ITGB5: variants seen among roughly 807,000 people sequenced by gnomAD.
ITGB5 encodes the protein integrin subunit beta 5, also known as integrin beta-5.
ITGB5 carries 38 observed loss-of-function variants against 84.8 expected under a neutral mutation model. The observed-to-expected ratio is 0.45, with a 90% CI of 0.35 to 0.59. The LOEUF is 0.59. ITGB5 is among the 20% of genes least tolerant of loss of function. The pLI is 0.01. For synonymous variants in ITGB5, 393 were observed against 414.4 expected, an observed-to-expected ratio of 0.95 and a Z score of 0.63; for missense variants, 905 against 1,034.5, an observed-to-expected ratio of 0.87 and a Z score of 1.72.
intron 8 of ITGB5, among the ~76,000 whole-genome samples, chr3:124,815,884 C>T (rs1036269167): frequency 4.6e-5 from 7 of 152,132 alleles, no homozygotes; most frequent in African/African-American, 9.7e-5. Context: ...AAAGGCACTA[C>T]GGTGTAAAGT....
intron 1 of ITGB5, among the ~76,000 whole-genome samples, chr3:124,879,781 A>T (rs1934486309): frequency 6.6e-6 from 1 of 152,260 alleles, no homozygotes; most frequent in African/African-American, 2.4e-5. Flanking sequence ...CCTCTGAATA[A>T]AAATGAAAGA....
chr3:124,802,313 TCA>T (rs2064328265), intron 9 of ITGB5, among the ~76,000 whole-genome samples: 1 of 152,226 alleles, frequency 6.6e-6, no homozygotes, highest in South Asian at 2.1e-4. Flanking sequence ...AGGGAAATAC[TCA>T]CACACTCAGT....
intron 1 of ITGB5, among the ~76,000 whole-genome samples, chr3:124,884,198 A>C (rs1177563567): frequency 2.0e-5 from 3 of 147,452 alleles, no homozygotes; most frequent in Non-Finnish European, 4.5e-5. Flanking sequence ...GAAAACAAAG[A>C]AGGGAAGGGA....
At chr3:124,822,914 T>C (rs568046270) in intron 5 of ITGB5, among the ~76,000 whole-genome samples, 128 of 151,910 alleles carry the variant, frequency 8.4e-4, no homozygotes, top group African/African-American at 2.9e-3. Flanking sequence ...AGGGAGAGGC[T>C]TCCCAGCGCA....
chr3:124,783,817 G>T (rs1183241565), intron 10 of ITGB5, among the ~76,000 whole-genome samples: 1 of 152,132 alleles, frequency 6.6e-6, no homozygotes, highest in African/African-American at 2.4e-5. Flanking sequence ...CACTTTTCTT[G>T]CACATTGTTT....
chr3:124,808,966 C>A, intron 9 of ITGB5, 56 bp downstream of exon 9: 1 of 1,576,372 alleles, frequency 6.3e-7, no homozygotes, highest in South Asian at 1.2e-5. Context: ...TATTAGAACC[C>A]AAAGACTGAT....
At chr3:124,875,540 G>A (rs1236782288) in intron 1 of ITGB5, among the ~76,000 whole-genome samples, 2 of 151,942 alleles carry the variant, frequency 1.3e-5, no homozygotes, top group Admixed American at 6.6e-5. Flanking sequence ...AGGGAACCAG[G>A]GAAACTCTGT....
chr3:124,870,959 T>G (rs1933994401), intron 2 of ITGB5, among the ~76,000 whole-genome samples: 1 of 150,826 alleles, frequency 6.6e-6, no homozygotes. Context: ...GGCACAATCT[T>G]GGCTCACTAC....
chr3:124,864,457 T>C (rs929062739), intron 2 of ITGB5, among the ~76,000 whole-genome samples: 1 of 152,162 alleles, frequency 6.6e-6, no homozygotes, highest in Admixed American at 6.5e-5. Flanking sequence ...GGATGCCTCA[T>C]ATCATAAAGC....
chr3:124,892,841 G>C (rs1935031238), intron 1 of ITGB5, among the ~76,000 whole-genome samples: 1 of 152,066 alleles, frequency 6.6e-6, no homozygotes, highest in African/African-American at 2.4e-5. Flanking sequence ...AAAGTGACTT[G>C]TTATGTTGGG....
intron 11 of ITGB5, chr3:124,769,371 C>G: frequency 4.7e-6 from 2 of 423,246 alleles, no homozygotes; most frequent in Non-Finnish European, 8.5e-6. Flanking sequence ...ATTCTGACAC[C>G]AGGAGACAAA....
chr3:124,838,143 G>A (rs2064962031), intron 5 of ITGB5, among the ~76,000 whole-genome samples: 1 of 150,906 alleles, frequency 6.6e-6, no homozygotes, highest in South Asian at 2.1e-4. Context: ...AATCATTAAA[G>A]ACGAACAATG....
intron 5 of ITGB5, among the ~76,000 whole-genome samples, chr3:124,837,371 G>A (rs75471351): frequency 0.057 from 8,605 of 152,234 alleles, 332 homozygotes; most frequent in African/African-American, 0.099. Flanking sequence ...GTATAAACAG[G>A]TTCAATCATA....
chr3:124,775,827 G>A (rs1180175840), intron 10 of ITGB5, among the ~76,000 whole-genome samples: 3 of 152,178 alleles, frequency 2.0e-5, no homozygotes, highest in Admixed American at 6.5e-5. Context: ...CTCTTCACCC[G>A]CCACTTAACT....
intron 1 of ITGB5, among the ~76,000 whole-genome samples, chr3:124,896,739 C>T (rs1477772061): frequency 9.8e-5 from 9 of 91,430 alleles, no homozygotes; most frequent in African/African-American, 1.3e-4. Context: ...AGAGTGAGAC[C>T]TTGTCTTAAA....
intron 1 of ITGB5, among the ~76,000 whole-genome samples, chr3:124,883,060 C>T (rs1391126429): frequency 6.6e-6 from 1 of 152,178 alleles, no homozygotes; most frequent in African/African-American, 2.4e-5. Context: ...TCTCCAAGGC[C>T]CTCGGCTCCA....
chr3:124,859,304 C>A lies in ITGB5; in HGVS notation c.299G>T (p.Gly100Val). Residue 100 changes from glycine (G) to valine (V), a missense_variant, in exon 3 of 15, where the codon GGC (glycine) becomes GTC (valine). Transcript: ENST00000296181. Reference sequence around the variant, plus strand: ...CTGAATGACGTCCCAGCCTGCAGAGCCCGAACCCTTGCTGCTGAGGGGCAG... The same window carrying A: ...CTGAATGACGTCCCAGCCTGCAGAGACCGAACCCTTGCTGCTGAGGGGCAG... ...RSLPLSSKGS[G>V]SAGWDVIQMT... 6.2e-7 allele frequency: 1 copy of A among 1,614,116 alleles called. No individual in the cohort carries two copies. The highest frequency in any genetic ancestry group is 8.5e-7 in the Non-Finnish European group (1 of 1,180,026).
In ITGB5 at chr3:124,887,364, C is replaced by G. The variant is rs984676918; in HGVS notation, c.-364G>C. 6.4e-6 allele frequency: 1 copy of G among 156,782 alleles called. No individual in the cohort carries two copies. Among genetic ancestry groups the G allele is most frequent in the Non-Finnish European group, 1.4e-5 (1 of 71,110 alleles). The allele number at this position is 156,782 out of a possible 1,614,324, so 9.7% of individuals were successfully genotyped here. On this transcript the variant is annotated 5_prime_UTR_variant, in exon 1 of 15. Transcript: ENST00000296181. ...AGACTCCCCCGCGCGCCGGCACACT[C>G]TGCCCCTGGCCTCCGCCCCTTCCCT...
At chr3:124,809,923 G>A (rs114540702) in intron 8 of ITGB5, among the ~76,000 whole-genome samples, 1,970 of 152,258 alleles carry the variant, frequency 0.013, 21 homozygotes, top group South Asian at 0.038. Context: ...GTGAAAATTC[G>A]TGCAATCCTA....
Sources: gnomAD v4.1 joint callset for allele counts (sites outside exome capture counted in the v4.1 genomes callset) on GRCh38, gnomAD v4.1.1 for gene constraint, MANE v1.5 for transcripts, NCBI Gene and HGNC (gene_info 2026-07-23, HGNC 2026-07-21) for gene names.